SNX18: variants seen among roughly 807,000 people sequenced by gnomAD.
SNX18 encodes sorting nexin-18.
A neutral mutation model predicts 48.7 loss-of-function variants in SNX18; 35 were observed. That is an observed-to-expected ratio of 0.72 (90% CI 0.55 to 0.95). The LOEUF (loss-of-function observed/expected upper bound fraction) is 0.95. Among genes scored for constraint, SNX18 ranks in the 40% least tolerant of loss-of-function variants. SNX18 has a pLI of 0.00. For synonymous variants in SNX18, 492 were observed against 384.7 expected, an observed-to-expected ratio of 1.28 and a Z score of -3.26; for missense variants, 824 against 871.0, an observed-to-expected ratio of 0.95 and a Z score of 0.68.
chr5:54,600,767 A>T, the SNX18 span, among the ~76,000 whole-genome samples: 2 of 152,176 alleles, frequency 1.3e-5, no homozygotes, highest in Non-Finnish European at 2.9e-5. Context: ...TATAACTGGG[A>T]GCTGAACAAT....
chr5:54,615,064 A>G, the SNX18 span, among the ~76,000 whole-genome samples: 1 of 152,168 alleles, frequency 6.6e-6, no homozygotes, highest in Non-Finnish European at 1.5e-5. Context: ...TATGGAAAAA[A>G]CATTATAGAT....
the SNX18 span, among the ~76,000 whole-genome samples, chr5:54,613,033 T>C: frequency 6.6e-6 from 1 of 152,224 alleles, no homozygotes; most frequent in African/African-American, 2.4e-5. Flanking sequence ...AACTGAATAA[T>C]GGGATAAGCT....
the SNX18 span, among the ~76,000 whole-genome samples, chr5:54,615,120 G>A: frequency 1.3e-5 from 2 of 152,166 alleles, no homozygotes; most frequent in African/African-American, 4.8e-5. Flanking sequence ...AGAGGTCTGG[G>A]AGGAAGCCTG....
chr5:54,642,347 G>A, the SNX18 span, among the ~76,000 whole-genome samples: 11 of 151,810 alleles, frequency 7.2e-5, no homozygotes, highest in South Asian at 2.3e-3. Flanking sequence ...AATGGGTGTA[G>A]GCCCCTTAAA....
At chr5:54,566,315 C>T in the SNX18 span, among the ~76,000 whole-genome samples, 1 of 152,174 alleles carries the variant, frequency 6.6e-6, no homozygotes, top group Non-Finnish European at 1.5e-5. Flanking sequence ...CTCTGAATCT[C>T]AGTTTTCTCA....
intron 1 of SNX18, among the ~76,000 whole-genome samples, chr5:54,522,793 A>G (rs1303670174): frequency 6.6e-6 from 1 of 152,184 alleles, no homozygotes; most frequent in African/African-American, 2.4e-5. Context: ...GGTGGGCTGA[A>G]ATTTTCCTGA....
At chr5:54,582,266 T>C in the SNX18 span, among the ~76,000 whole-genome samples, 1 of 152,202 alleles carries the variant, frequency 6.6e-6, no homozygotes, top group Non-Finnish European at 1.5e-5. Flanking sequence ...TCCTCTATTA[T>C]ATTTCTTGAA....
At chr5:54,643,448 CT>C in the SNX18 span, 5 of 152,104 alleles carry the variant, frequency 3.3e-5, no homozygotes, top group African/African-American at 4.8e-5. Context: ...GATTACCCTC[CT>C]CCCCCCAAAA....
the SNX18 span, among the ~76,000 whole-genome samples, chr5:54,575,751 C>A: frequency 3.9e-5 from 6 of 152,170 alleles, no homozygotes; most frequent in African/African-American, 1.4e-4. Flanking sequence ...GGAGAGAACA[C>A]CCTTCTCACC....
the SNX18 span, among the ~76,000 whole-genome samples, chr5:54,621,908 C>CT: frequency 3.3e-5 from 5 of 152,280 alleles, no homozygotes; most frequent in African/African-American, 1.2e-4. Flanking sequence ...TACTGGATAC[C>CT]TTCCTCCCAT....
intron 1 of SNX18, among the ~76,000 whole-genome samples, chr5:54,532,989 C>G (rs2112849393): frequency 6.6e-6 from 1 of 152,284 alleles, no homozygotes; most frequent in South Asian, 2.1e-4. Flanking sequence ...ATAAGAACTA[C>G]TTAATTAGAA....
the SNX18 span, among the ~76,000 whole-genome samples, chr5:54,573,738 G>A: frequency 6.6e-6 from 1 of 152,172 alleles, no homozygotes; most frequent in South Asian, 2.1e-4. Flanking sequence ...CACACTTCAG[G>A]AAGAGTATTG....
At chr5:54,581,559 G>T in the SNX18 span, among the ~76,000 whole-genome samples, 9 of 152,094 alleles carry the variant, frequency 5.9e-5, no homozygotes, top group African/African-American at 1.9e-4. Context: ...CTCTCTCTGT[G>T]GGTCTACCCC....
Position 54,543,533 on chromosome 5 carries a change from A to G in SNX18, c.*101A>G, listed in dbSNP as rs987941861. On this transcript the variant is annotated 3_prime_UTR_variant, in exon 2 of 2. Coordinates refer to ENST00000381410, the MANE Select transcript of SNX18 (RefSeq NM_001102575.2). ...GCTATTGCCAGCTATCAGTGGTGGTACAAGGACGGTTTTGTGTTCATCTGA... is the reference window on the plus strand; with the variant it reads ...GCTATTGCCAGCTATCAGTGGTGGTGCAAGGACGGTTTTGTGTTCATCTGA... The G allele has an allele frequency of 1.0e-4, 149 of 1,422,584 alleles. No individual in the cohort carries two copies. The highest frequency in any genetic ancestry group is 1.2e-4 in the South Asian group (9 of 72,696). 88.1% of individuals were successfully genotyped at this position (1,422,584 alleles called of 1,614,324 possible).
chr5:54,611,363 G>A, the SNX18 span, among the ~76,000 whole-genome samples: 1 of 151,962 alleles, frequency 6.6e-6, no homozygotes, highest in African/African-American at 2.4e-5. Flanking sequence ...GAATCACCAT[G>A]CCCTGTCTCC....
chr5:54,584,060 T>C, the SNX18 span, among the ~76,000 whole-genome samples: 1 of 149,900 alleles, frequency 6.7e-6, no homozygotes, highest in Admixed American at 6.6e-5. Context: ...TTTTTTTTTT[T>C]TTTTTTTTGA....
the SNX18 span, chr5:54,644,468 T>C: frequency 2.0e-5 from 3 of 152,222 alleles, no homozygotes; most frequent in Non-Finnish European, 4.4e-5. Flanking sequence ...TGACTCATAG[T>C]AGAGATTGCT....
the SNX18 span, among the ~76,000 whole-genome samples, chr5:54,601,502 G>A: frequency 6.6e-6 from 1 of 152,158 alleles, no homozygotes; most frequent in Non-Finnish European, 1.5e-5. Context: ...AAGAATTTCT[G>A]TCCCATGATT....
the SNX18 span, among the ~76,000 whole-genome samples, chr5:54,588,120 C>T: frequency 6.6e-6 from 1 of 152,034 alleles, no homozygotes; most frequent in Non-Finnish European, 1.5e-5. Flanking sequence ...AGTTCCCAAA[C>T]ACTCTCGTTT....
Sources: allele counts gnomAD v4.1 joint callset (sites outside exome capture counted in the v4.1 genomes callset), GRCh38; gene constraint gnomAD v4.1.1; transcripts MANE v1.5; gene names NCBI Gene and HGNC (gene_info 2026-07-23, HGNC 2026-07-21).